Variants in MPP3 observed in about 807,000 individuals in gnomAD.
The protein encoded by MPP3 is MAGUK p55 subfamily member 3.
Under a neutral mutation model 80.7 loss-of-function variants are expected in MPP3, and 48 were observed. The observed-to-expected ratio is 0.59, with a 90% CI of 0.47 to 0.76. The LOEUF (loss-of-function observed/expected upper bound fraction) is 0.76, where lower values mean the gene tolerates loss of function less well. MPP3 is among the 30% of genes least tolerant of loss of function. The pLI is 0.00. For synonymous variants in MPP3, 311 were observed against 297.6 expected, an observed-to-expected ratio of 1.04 and a Z score of -0.46; for missense variants, 620 against 763.0, an observed-to-expected ratio of 0.81 and a Z score of 2.21.
At position 43,809,113 on chromosome 17, in the gene MPP3, T is replaced by G. The variant is rs1198468536; in HGVS notation, c.1459-35A>C. 2.6e-6 allele frequency: 4 copies of G among 1,557,376 alleles called. 1 individual carries two copies. Among genetic ancestry groups the G allele is most frequent in the Non-Finnish European group, 3.4e-6 (4 of 1,160,454 alleles). Reference sequence around the variant, plus strand: ...AAAGTTCAGGAATATTATATACTTTTGAAGTGTTTTGTTGTGAAATAGACT... The same window carrying G: ...AAAGTTCAGGAATATTATATACTTTGGAAGTGTTTTGTTGTGAAATAGACT... On this transcript the variant is annotated intron_variant, in intron 18 of 19. Coordinates refer to ENST00000398389, the MANE Select transcript of MPP3 (RefSeq NM_001932.6).
At chr17:43,809,127 G>T in intron 18 of MPP3, 49 bp from the exon 19 acceptor site, 1 of 1,532,906 alleles carries the variant, frequency 6.5e-7, no homozygotes, top group Non-Finnish European at 8.7e-7. Flanking sequence ...GTGTTTTGTT[G>T]TGAAATAGAC....
At chr17:43,826,816 TTATATA>T (rs1200545879) in intron 8 of MPP3, among the ~76,000 whole-genome samples, 2 of 139,742 alleles carry the variant, frequency 1.4e-5, no homozygotes, top group East Asian at 2.0e-4. Flanking sequence ...CCATGACTAT[TTATATA>T]TATATATATT....
chr17:43,831,659 G>C lies in MPP3; in HGVS notation c.44C>G (p.Ala15Gly). 6.2e-7 allele frequency: 1 copy of C among 1,611,926 alleles called. No individual in the cohort carries two copies. Among genetic ancestry groups the C allele is most frequent in the Non-Finnish European group, 8.5e-7 (1 of 1,178,612 alleles). ...SEDSGLHETL[A>G]LLTSQLRPDS... ...AGGTCTGAGCTGGGAGGTCAGCAGG[G>C]CCAGGGTTTCATGCAAACCTGGGGA... Residue 15 changes from alanine to glycine, a missense_variant, in exon 4 of 20, where the codon GCC becomes GGC. By Grantham distance (60) the Ala-to-Gly change is moderately conservative. Coordinates refer to ENST00000398389, the MANE Select transcript of MPP3 (RefSeq NM_001932.6).
chr17:43,814,198 G>T lies in MPP3; in HGVS notation c.1173C>A (p.Ile391=). 1 of 1,613,060 alleles carries T rather than the reference G, an allele frequency of 6.2e-7. No homozygotes were observed. Among genetic ancestry groups the T allele is most frequent in the Non-Finnish European group, 8.5e-7 (1 of 1,179,640 alleles). ...PGERPRLVVL[I]GSLGARLHEL... Reference sequence around the variant, plus strand: ...CTGGAAACCCAGGATGGCACCTACCGATCAGAACCACCAGGCGGGGCCGCT... The same window carrying T: ...CTGGAAACCCAGGATGGCACCTACCTATCAGAACCACCAGGCGGGGCCGCT... The change falls in exon 15 of 20, where the codon ATC becomes ATA. Residue 391 remains isoleucine (I), a splice_region_variant and synonymous_variant. Transcript: ENST00000398389.
intron 14 of MPP3, among the ~76,000 whole-genome samples, chr17:43,815,308 G>A (rs1224204484): frequency 2.0e-5 from 3 of 151,782 alleles, no homozygotes; most frequent in Non-Finnish European, 4.4e-5. Flanking sequence ...CTCCAGTGTG[G>A]GTAACAGAGC....
At chr17:43,824,722 T>C (rs2045618090) in intron 9 of MPP3, among the ~76,000 whole-genome samples, 1 of 152,214 alleles carries the variant, frequency 6.6e-6, no homozygotes, top group East Asian at 1.9e-4. Context: ...GCAAAAGGAC[T>C]GAAGGGCCTG....
At chr17:43,832,342 G>A in intron 2 of MPP3, 1 of 235,544 alleles carries the variant, frequency 4.2e-6, no homozygotes, top group South Asian at 5.3e-5. Context: ...GCTGTCCTCC[G>A]CAGCGCGCCC....
chr17:43,801,895 G>A lies in MPP3; in HGVS notation c.1582-18C>T. ...TGCTCATCCTGCAAGGAAAGGGGTGGTAAAAGGAGCAACTGGGTTGTTCTC... is the reference window on the plus strand; with the variant it reads ...TGCTCATCCTGCAAGGAAAGGGGTGATAAAAGGAGCAACTGGGTTGTTCTC... On this transcript the variant is annotated intron_variant, in intron 19 of 19. Coordinates refer to ENST00000398389, the MANE Select transcript of MPP3 (RefSeq NM_001932.6). The A allele has an allele frequency of 6.2e-7, 1 of 1,605,960 alleles. No individual in the cohort carries two copies. Among genetic ancestry groups the A allele is most frequent in the Non-Finnish European group, 8.5e-7 (1 of 1,177,100 alleles).
intron 5 of MPP3, among the ~76,000 whole-genome samples, chr17:43,830,652 G>C (rs531619913): frequency 6.6e-6 from 1 of 152,270 alleles, no homozygotes; most frequent in East Asian, 1.9e-4. Flanking sequence ...CAGTGGAGAA[G>C]GGCCCAGGGC....
In MPP3 at chr17:43,831,936, T is replaced by C; in HGVS notation, c.-30A>G. 1 of 1,609,602 alleles carries C rather than the reference T, an allele frequency of 6.2e-7. No individual in the cohort carries two copies. ...GCGTTGTCACCTCCCGACCTCTCCC[T>C]GCAGATTCTGGGAGAAGGGGGTGGA... On this transcript the variant is annotated 5_prime_UTR_variant, in exon 3 of 20. Transcript: ENST00000398389.
At chr17:43,809,973 C>T (rs2154591189) in intron 18 of MPP3, among the ~76,000 whole-genome samples, 1 of 152,274 alleles carries the variant, frequency 6.6e-6, no homozygotes, top group African/African-American at 2.4e-5. Flanking sequence ...CTGCTATATG[C>T]ATTATCTGCA....
intron 18 of MPP3, 59 bp from the exon 19 acceptor site, chr17:43,809,137 C>T (rs1756652973): frequency 2.0e-6 from 3 of 1,504,358 alleles, no homozygotes; most frequent in Middle Eastern, 4.7e-4. Context: ...GTGAAATAGA[C>T]TTTTGAAAGC....
chr17:43,813,768 T>A (rs1027134535), intron 16 of MPP3, among the ~76,000 whole-genome samples: 1 of 152,056 alleles, frequency 6.6e-6, no homozygotes, highest in African/African-American at 2.4e-5. Context: ...TCTGGACTCA[T>A]CTCCCACCCC....
rs772226975 is a variant in MPP3, at chr17:43,801,837, A to G, written c.1622T>C (p.Ile541Thr). The G allele has an allele frequency of 1.2e-6, 2 of 1,613,912 alleles. No homozygotes were observed. The highest frequency in any genetic ancestry group is 2.2e-5 in the East Asian group (1 of 44,874). ...TACCAGGTGCCCGTAATGCCGGTCT[A>G]TGAAGGCGGCAGAAGCGGCCATCTC... ...QQEMAASAAF[I>T]DRHYGHLVDA... The change falls in exon 20 of 20, where the codon ATA (isoleucine) becomes ACA (threonine). Residue 541 changes from isoleucine (I) to threonine (T), a missense_variant. Physicochemically the swap from Ile to Thr is moderately conservative, Grantham distance 89 (BLOSUM62 -1). Transcript: ENST00000398389.
chr17:43,831,199 G>A, intron 5 of MPP3, 45 bp downstream of exon 5: 2 of 1,563,176 alleles, frequency 1.3e-6, no homozygotes, highest in South Asian at 2.2e-5. Context: ...AGCCCTACAG[G>A]GTGGGGAGTG....
intron 12 of MPP3, 97 bp downstream of exon 12, chr17:43,817,948 GC>G: frequency 3.2e-6 from 3 of 934,312 alleles, no homozygotes; most frequent in South Asian, 1.7e-5. Context: ...GACCCCTGAT[GC>G]CCCCTCCAGC....
In MPP3 at chr17:43,818,114, C is replaced by T; in HGVS notation, c.882-4G>A. 1 of 1,546,090 alleles carries T rather than the reference C, an allele frequency of 6.5e-7. No individual in the cohort carries two copies. Among genetic ancestry groups the T allele is most frequent in the East Asian group, 2.5e-5 (1 of 40,766 alleles). On this transcript the variant is annotated splice_polypyrimidine_tract_variant and splice_region_variant and intron_variant, in intron 11 of 19. Transcript: ENST00000398389. ...GGCTCTCCGGTAGCTTAGTCGTCTG[C>T]AGGGACACAAGGGGATGGGCGGGCC...
chr17:43,818,342 T>C (rs1433019639), intron 11 of MPP3, among the ~76,000 whole-genome samples: 2 of 152,142 alleles, frequency 1.3e-5, no homozygotes, highest in Non-Finnish European at 2.9e-5. Flanking sequence ...AAATAGCTCA[T>C]CCAGCTCAAG....
In MPP3 at chr17:43,811,196, C is replaced by A. The variant is rs2044841208; in HGVS notation, c.1265G>T (p.Arg422Met). 3 of 1,613,568 alleles carry A rather than the reference C, an allele frequency of 1.9e-6. No homozygotes were observed. Among genetic ancestry groups the A allele is most frequent in the Non-Finnish European group, 2.5e-6 (3 of 1,179,638 alleles). Residue 422 changes from arginine (R) to methionine (M), a missense_variant, in exon 17 of 20, where the codon AGG (arginine) becomes ATG (methionine). Coordinates refer to ENST00000398389, the MANE Select transcript of MPP3 (RefSeq NM_001932.6). The stretch of plus-strand genomic sequence containing the variant: ...TTCCTTCTCATGGCTCTTTCGGGGC[C>A]TGGTGGTATCTTTTAAAGAAAGAAG... Reference protein sequence around the residue: ...HFGVAVPHTTRPRKSHEKEGV... With the variant: ...HFGVAVPHTTMPRKSHEKEGV...
Sources: gnomAD v4.1 joint callset for allele counts (sites outside exome capture counted in the v4.1 genomes callset) on GRCh38, gnomAD v4.1.1 for gene constraint, MANE v1.5 for transcripts, NCBI Gene and HGNC (gene_info 2026-07-23, HGNC 2026-07-21) for gene names.